Variants in CTNNA2 observed in about 807,000 individuals in gnomAD.
CTNNA2 encodes the protein catenin alpha 2.
Under a neutral mutation model 101.0 loss-of-function variants are expected in CTNNA2, and 42 were observed. The observed-to-expected ratio is 0.42, with a 90% confidence interval of 0.32 to 0.54. The LOEUF (loss-of-function observed/expected upper bound fraction) is 0.54, where lower values mean the gene tolerates loss of function less well. Among genes scored for constraint, CTNNA2 ranks in the 20% least tolerant of loss-of-function variants. The probability of loss-of-function intolerance (pLI) is 0.14; values close to 1 mark genes in which losing one functional copy is unlikely to be tolerated. For missense variants in CTNNA2, 871 were observed against 1,223.1 expected, an observed-to-expected ratio of 0.71 and a Z score of 4.29; for synonymous variants, 450 against 456.4, an observed-to-expected ratio of 0.99 and a Z score of 0.18.
chr2:79,416,001 G>C (rs1453909694), intron 4 of CTNNA2, among the ~76,000 whole-genome samples: 1 of 151,412 alleles, frequency 6.6e-6, no homozygotes, highest in Non-Finnish European at 1.5e-5. Flanking sequence ...TATAATAACT[G>C]TCTCATCATT....
chr2:79,780,722 A>G (rs1021679055), intron 3 of CTNNA2, among the ~76,000 whole-genome samples: 5 of 152,198 alleles, frequency 3.3e-5, no homozygotes, highest in African/African-American at 1.2e-4. Flanking sequence ...AGTGCCATCT[A>G]TTATAAATTA....
At chr2:80,206,254 C>G (rs769633192) in intron 7 of CTNNA2, among the ~76,000 whole-genome samples, 4 of 152,194 alleles carry the variant, frequency 2.6e-5, no homozygotes, top group Non-Finnish European at 5.9e-5. Context: ...ATTTTTAGAA[C>G]ACCATTGTGT....
intron 4 of CTNNA2, among the ~76,000 whole-genome samples, chr2:79,422,268 G>A (rs956298495): frequency 1.3e-5 from 2 of 151,762 alleles, no homozygotes; most frequent in Non-Finnish European, 2.9e-5. Flanking sequence ...TTATCTAGGA[G>A]TTACTATCCC....
chr2:79,571,182 G>A (rs1675438933), intron 1 of CTNNA2, among the ~76,000 whole-genome samples: 1 of 152,106 alleles, frequency 6.6e-6, no homozygotes, highest in African/African-American at 2.4e-5. Context: ...ATGGTAAAAG[G>A]AAATGGGCCT....
At chr2:79,790,003 T>C (rs1463644199) in intron 3 of CTNNA2, among the ~76,000 whole-genome samples, 2 of 152,038 alleles carry the variant, frequency 1.3e-5, no homozygotes, top group Admixed American at 1.3e-4. Flanking sequence ...AAACAGATCA[T>C]ATGAATAAAG....
chr2:79,960,138 C>G (rs1689530484), intron 7 of CTNNA2, among the ~76,000 whole-genome samples: 1 of 152,240 alleles, frequency 6.6e-6, no homozygotes, highest in South Asian at 2.1e-4. Flanking sequence ...TTAAAATCCA[C>G]TAGAGAAAAT....
chr2:79,695,076 C>T (rs1684572959), intron 2 of CTNNA2, among the ~76,000 whole-genome samples: 2 of 141,166 alleles, frequency 1.4e-5, no homozygotes, highest in Non-Finnish European at 3.1e-5. Flanking sequence ...TTTCACATTA[C>T]TTTTTTTTTT....
chr2:80,006,495 G>A (rs72922669), intron 7 of CTNNA2, among the ~76,000 whole-genome samples: 8,532 of 152,062 alleles, frequency 0.056, 536 homozygotes, highest in African/African-American at 0.16. Context: ...CAAAACCATG[G>A]CACTTATGGA....
At chr2:79,442,404 C>T (rs1573168114) in intron 4 of CTNNA2, among the ~76,000 whole-genome samples, 2 of 152,120 alleles carry the variant, frequency 1.3e-5, no homozygotes, top group Admixed American at 6.6e-5. Context: ...TAGGCAATAA[C>T]GTAGAGCCTG....
At chr2:80,213,022 T>A (rs938009791) in intron 7 of CTNNA2, among the ~76,000 whole-genome samples, 6 of 152,228 alleles carry the variant, frequency 3.9e-5, no homozygotes, top group Non-Finnish European at 8.8e-5. Flanking sequence ...TAGTATTCTC[T>A]GATGGTAGTT....
chr2:80,566,959 G>C lies in CTNNA2; in HGVS notation c.1742-7204G>C, dbSNP rs532796961. Among the ~76,000 whole-genome samples, 11 of 152,262 alleles carry C rather than the reference G, an allele frequency of 7.2e-5. No individual in the cohort carries two copies. In the South Asian group the frequency reaches 2.3e-3, roughly 32 times the overall value. ...GTGCATGTGTGTAAAATTAGGGGTG[G>C]AAGTGAAAGCTCTGAACAGTGTACG... On this transcript the variant is annotated intron_variant, in intron 12 of 18. Transcript: ENST00000402739.
At chr2:79,927,237 A>C (rs1457861252) in intron 7 of CTNNA2, among the ~76,000 whole-genome samples, 1 of 152,144 alleles carries the variant, frequency 6.6e-6, no homozygotes. Context: ...CAGTTATTAA[A>C]TTTTTATTTG....
At chr2:80,530,140 C>T (rs185727534) in intron 9 of CTNNA2, among the ~76,000 whole-genome samples, 3 of 152,142 alleles carry the variant, frequency 2.0e-5, no homozygotes, top group African/African-American at 7.2e-5. Flanking sequence ...AGTGGTTACT[C>T]GAAGGTCACC....
At chr2:80,288,981 A>T (rs1675005592) in intron 7 of CTNNA2, 1 of 152,176 alleles carries the variant, frequency 6.6e-6, no homozygotes, top group South Asian at 2.1e-4. Flanking sequence ...GGACCACAGT[A>T]GTAGCCTTTG....
chr2:80,499,816 A>G (rs1207056228), intron 9 of CTNNA2, among the ~76,000 whole-genome samples: 2 of 152,076 alleles, frequency 1.3e-5, no homozygotes, highest in South Asian at 2.1e-4. Flanking sequence ...GTGAGACTCC[A>G]TCTCAAAAGA....
chr2:79,861,358 A>C (rs954655028), intron 4 of CTNNA2, among the ~76,000 whole-genome samples: 1 of 152,204 alleles, frequency 6.6e-6, no homozygotes, highest in African/African-American at 2.4e-5. Context: ...AGAGAGAATT[A>C]CCTTTTTCCG....
intron 7 of CTNNA2, among the ~76,000 whole-genome samples, chr2:80,059,060 C>T (rs1697406772): frequency 6.6e-6 from 1 of 152,156 alleles, no homozygotes; most frequent in Admixed American, 6.5e-5. Context: ...GTTAATAACA[C>T]ATTTTAAAAA....
At chr2:80,643,641 T>G (rs1224743994) in intron 18 of CTNNA2, among the ~76,000 whole-genome samples, 1 of 152,074 alleles carries the variant, frequency 6.6e-6, no homozygotes, top group African/African-American at 2.4e-5. Context: ...TGAGAGGTGG[T>G]TGATTTTTGA....
In CTNNA2 at chr2:80,303,951, A is replaced by C. The variant is rs1676644201; in HGVS notation, c.1057-89260A>C. 5.4e-6 allele frequency: 6 copies of C among 1,106,266 alleles called. No homozygotes were observed. Among genetic ancestry groups the C allele is most frequent in the Non-Finnish European group, 7.4e-6 (6 of 815,572 alleles). 68.5% of individuals were successfully genotyped at this position (1,106,266 alleles called of 1,614,324 possible). A position where few individuals can be genotyped will look rare whatever the true frequency, so the allele number is the denominator to read the frequency against. ...AAAGGGCAAAAAATCAAATAAATAC[A>C]TAGAAATAAAGAAGGACCCCCCTCC... On this transcript the variant is annotated intron_variant, in intron 7 of 18. Transcript: ENST00000402739. The surrounding 1 kb of genome is among the most constrained non-coding windows in gnomAD (Gnocchi z 7.7).
Sources: allele counts gnomAD v4.1 joint callset (sites outside exome capture counted in the v4.1 genomes callset), GRCh38; gene constraint gnomAD v4.1.1; non-coding constraint Gnocchi (gnomAD v3.1); transcripts MANE v1.5; gene names NCBI Gene and HGNC (gene_info 2026-07-23, HGNC 2026-07-21).